Variants in HTR4 observed in about 807,000 individuals in gnomAD.
HTR4 encodes the protein 5-hydroxytryptamine receptor 4.
Under a neutral mutation model 36.8 loss-of-function variants are expected in HTR4, and 16 were observed. That is an observed-to-expected ratio of 0.43 (90% CI 0.29 to 0.66). The LOEUF (loss-of-function observed/expected upper bound fraction) is 0.66. HTR4 is among the 30% of genes least tolerant of loss of function. The pLI is 0.13. For missense variants in HTR4, 438 were observed against 490.9 expected, an observed-to-expected ratio of 0.89 and a Z score of 1.02; for synonymous variants, 189 against 185.1, an observed-to-expected ratio of 1.02 and a Z score of -0.17.
intron 5 of HTR4, among the ~76,000 whole-genome samples, chr5:148,471,046 A>G (rs1280684881): frequency 6.6e-6 from 1 of 152,170 alleles, no homozygotes; most frequent in East Asian, 1.9e-4. Flanking sequence ...AAGCTTCAGG[A>G]ATTTAACTAA....
intron 2 of HTR4, among the ~76,000 whole-genome samples, chr5:148,568,952 TA>T (rs1238123086): frequency 6.6e-6 from 1 of 152,106 alleles, no homozygotes; most frequent in African/African-American, 2.4e-5. Context: ...CTGATACCCT[TA>T]AAAAATACTA....
intron 2 of HTR4, among the ~76,000 whole-genome samples, chr5:148,577,182 A>T (rs1442911911): frequency 1.3e-5 from 2 of 152,164 alleles, no homozygotes; most frequent in Admixed American, 1.3e-4. Flanking sequence ...TTCCAAAAAA[A>T]GACATACATG....
intron 6 of HTR4, among the ~76,000 whole-genome samples, chr5:148,507,815 C>T (rs902899032): frequency 1.6e-4 from 24 of 152,246 alleles, no homozygotes; most frequent in Admixed American, 8.5e-4. Context: ...CCAGAGCATA[C>T]GCTGTTTGTA....
At chr5:148,472,003 C>A (rs562343423), downstream of HTR4, among the ~76,000 whole-genome samples, 3 of 152,280 alleles carry the variant, frequency 2.0e-5, no homozygotes, top group African/African-American at 7.2e-5. Context: ...GTGATGCTTT[C>A]TTATACTCTC....
chr5:148,624,885 C>T (rs1404387754), intron 2 of HTR4, among the ~76,000 whole-genome samples: 1 of 152,144 alleles, frequency 6.6e-6, no homozygotes, highest in African/African-American at 2.4e-5. Flanking sequence ...ATTCTTCCAA[C>T]ATTATAAGAT....
intron 5 of HTR4, among the ~76,000 whole-genome samples, chr5:148,521,567 C>T (rs1758018156): frequency 2.1e-5 from 3 of 141,204 alleles, no homozygotes; most frequent in Admixed American, 7.2e-5. Context: ...GTCTAGCTTG[C>T]TGACTGTAGA....
chr5:148,604,012 T>C (rs1752035984), intron 2 of HTR4, among the ~76,000 whole-genome samples: 1 of 152,092 alleles, frequency 6.6e-6, no homozygotes, highest in South Asian at 2.1e-4. Flanking sequence ...CCATATACCA[T>C]GTAAAAACTC....
intron 6 of HTR4, among the ~76,000 whole-genome samples, chr5:148,490,149 A>G (rs189627228): frequency 3.4e-5 from 5 of 145,306 alleles, no homozygotes; most frequent in Non-Finnish European, 5.9e-5. Flanking sequence ...ACATGTATAT[A>G]TATAATATAT....
chr5:148,457,791 T>A (rs899952658), intron 5 of HTR4, among the ~76,000 whole-genome samples: 2 of 139,350 alleles, frequency 1.4e-5, no homozygotes, highest in East Asian at 2.0e-4. Context: ...TTTTGACATA[T>A]CATTAAAATA....
chr5:148,600,018 C>T (rs1051716073), intron 2 of HTR4, among the ~76,000 whole-genome samples: 3 of 150,426 alleles, frequency 2.0e-5, no homozygotes, highest in Non-Finnish European at 4.4e-5. Flanking sequence ...GGAGAAAAAG[C>T]AATAATAAAA....
rs138890946 is a variant in HTR4, at chr5:148,605,298, G to A, written c.26+31691C>T. 9.0e-3 allele frequency among the ~76,000 whole-genome samples: 1,094 copies of A among 121,660 alleles called. 19 individuals carry two copies. Among genetic ancestry groups the A allele is most frequent in the African/African-American group, 0.032 (1,005 of 31,202 alleles). 79.8% of individuals were successfully genotyped at this position (121,660 alleles called of 152,430 possible). ...TTTGAGATGGAGTCTCACTCTTGTC[G>A]CCCAGGCTAGAGTGCAATGGCGTGA... On this transcript the variant is annotated intron_variant, in intron 2 of 6. Transcript: ENST00000377888.
chr5:148,586,454 C>T (rs1189718518), intron 2 of HTR4, among the ~76,000 whole-genome samples: 1 of 151,820 alleles, frequency 6.6e-6, no homozygotes, highest in Non-Finnish European at 1.5e-5. Context: ...GTATATTAGT[C>T]CATTTTCACA....
At chr5:148,573,212 A>C (rs1760749446) in intron 2 of HTR4, among the ~76,000 whole-genome samples, 1 of 152,060 alleles carries the variant, frequency 6.6e-6, no homozygotes, top group Non-Finnish European at 1.5e-5. Flanking sequence ...CTACAACTAC[A>C]ATTCAATTGT....
chr5:148,497,057 C>T (rs1216389002), intron 6 of HTR4, among the ~76,000 whole-genome samples: 1 of 152,144 alleles, frequency 6.6e-6, no homozygotes, highest in African/African-American at 2.4e-5. Flanking sequence ...CACAATGAAC[C>T]TTTAGCAATT....
intron 5 of HTR4, among the ~76,000 whole-genome samples, chr5:148,521,277 A>C (rs751047851): frequency 3.9e-5 from 6 of 152,208 alleles, no homozygotes; most frequent in Admixed American, 6.5e-5. Context: ...TTGACCAGGC[A>C]TGGGGTACCT....
chr5:148,651,112 T>C (rs1055194844), intron 1 of HTR4, among the ~76,000 whole-genome samples: 10 of 152,330 alleles, frequency 6.6e-5, no homozygotes, highest in Admixed American at 5.9e-4. Flanking sequence ...ATCTCTTTCA[T>C]AGGATTCTTA....
At chr5:148,581,570 C>T (rs1761136487) in intron 2 of HTR4, among the ~76,000 whole-genome samples, 1 of 151,892 alleles carries the variant, frequency 6.6e-6, no homozygotes, top group African/African-American at 2.4e-5. Context: ...ACAGTTTTCC[C>T]CCCAAAAAAT....
At chr5:148,531,643 G>C (rs903297539) in intron 4 of HTR4, among the ~76,000 whole-genome samples, 1 of 152,130 alleles carries the variant, frequency 6.6e-6, no homozygotes, top group Admixed American at 6.5e-5. Flanking sequence ...GAATTCACCA[G>C]GTCCTACTGC....
At chr5:148,453,962 G>A (rs912876029) in intron 5 of HTR4, among the ~76,000 whole-genome samples, 1 of 152,170 alleles carries the variant, frequency 6.6e-6, no homozygotes, top group East Asian at 1.9e-4. Flanking sequence ...ATAACTCCCA[G>A]TAGCCATTGT....
Sources: allele counts gnomAD v4.1 joint callset (sites outside exome capture counted in the v4.1 genomes callset), GRCh38; gene constraint gnomAD v4.1.1; transcripts MANE v1.5; gene names NCBI Gene and HGNC (gene_info 2026-07-23, HGNC 2026-07-21).